C7: variants seen among roughly 807,000 people sequenced by gnomAD.
The protein encoded by C7 is complement C7, also known as complement component C7.
Under a neutral mutation model 104.8 loss-of-function variants are expected in C7, and 83 were observed. The ratio of observed to expected loss-of-function variants is 0.79; its 90% CI spans 0.66 to 0.95. C7 has a LOEUF of 0.95. Among genes scored for constraint, C7 ranks in the 40% least tolerant of loss-of-function variants. The pLI is 0.00. For missense variants in C7, 1,070 were observed against 1,011.2 expected, an observed-to-expected ratio of 1.06 and a Z score of -0.79; for synonymous variants, 415 against 360.6, an observed-to-expected ratio of 1.15 and a Z score of -1.71.
rs756057110 is a variant in C7 at position 40,979,647 on chromosome 5, A to T, written c.2166-78A>T. 7.3e-4 allele frequency: 888 copies of T among 1,222,024 alleles called. 1 individual carries two copies. Among genetic ancestry groups the T allele is most frequent in the Non-Finnish European group, 9.2e-4 (803 of 872,844 alleles). The allele number at this position is 1,222,024 out of a possible 1,614,324, so 75.7% of individuals were successfully genotyped here. A position where few individuals can be genotyped will look rare whatever the true frequency, so the allele number is the denominator to read the frequency against. ...TAACATCTGGGGGCACTAAGCTCAG[A>T]GCATCACTTTTCATTTCTCCTTCTC... On this transcript the variant is annotated intron_variant, in intron 16 of 17. Transcript: ENST00000313164.
intron 10 of C7, among the ~76,000 whole-genome samples, chr5:40,956,640 C>T (rs914585731): frequency 1.2e-4 from 18 of 152,224 alleles, no homozygotes; most frequent in African/African-American, 4.3e-4. Context: ...AGAACCGATT[C>T]TATGATTTAT....
chr5:40,966,186 T>G (rs1740547367), intron 14 of C7, among the ~76,000 whole-genome samples: 1 of 152,030 alleles, frequency 6.6e-6, no homozygotes, highest in South Asian at 2.1e-4. Context: ...TTAGTGGTGA[T>G]TGTGAGATTT....
rs1741010469 is a variant in C7, at chr5:40,984,061, A to C, written c.*2488A>C. Among the ~76,000 whole-genome samples, 1 of 152,212 alleles carries C rather than the reference A, an allele frequency of 6.6e-6. No homozygotes were observed. The highest frequency in any genetic ancestry group is 2.4e-5 in the African/African-American group (1 of 41,460). ...ATCGCTTACCACTCATGAGGACGCT[A>C]CAAGTTACCTGGGCAGAGAAGGTGC... On this transcript the variant is annotated 3_prime_UTR_variant, in exon 18 of 18. Transcript: ENST00000313164.
intron 13 of C7, among the ~76,000 whole-genome samples, chr5:40,963,637 G>A (rs568316675): frequency 6.6e-6 from 1 of 152,194 alleles, no homozygotes; most frequent in Admixed American, 6.5e-5. Context: ...CCCTCTCCCA[G>A]GCTTGAGTTT....
intron 7 of C7, among the ~76,000 whole-genome samples, chr5:40,945,640 C>T (rs1184081628): frequency 1.3e-5 from 2 of 151,870 alleles, no homozygotes; most frequent in Non-Finnish European, 2.9e-5. Context: ...GAGTGGATTG[C>T]TTGAGCTTGA....
rs1287063903 is a variant in C7, at chr5:40,964,808, T to C, written c.1817T>C (p.Ile606Thr). 1.9e-6 allele frequency: 3 copies of C among 1,613,782 alleles called. No individual in the cohort carries two copies. The highest frequency in any genetic ancestry group is 1.1e-5 in the South Asian group (1 of 91,078). ...ACTTGCAATGAAGGATACTCTCTTATTGGAAACCCAGTGGCCAGATGTGGA... is the reference window on the plus strand; with the variant it reads ...ACTTGCAATGAAGGATACTCTCTTACTGGAAACCCAGTGGCCAGATGTGGA... ...VYTCNEGYSL[I>T]GNPVARCGED... Residue 606 changes from isoleucine (I) to threonine (T), a missense_variant, in exon 14 of 18, where the codon ATT becomes ACT. By Grantham distance (89) the Ile-to-Thr change is moderately conservative (BLOSUM62 -1). Transcript: ENST00000313164.
intron 13 of C7, 105 bp from the exon 14 acceptor site, chr5:40,964,636 G>A (rs549929038): frequency 1.0e-6 from 1 of 968,564 alleles, no homozygotes; most frequent in African/African-American, 1.6e-5. Flanking sequence ...ATTAAATGTA[G>A]CTTGCCTGAT....
rs1348894604 is a variant in C7, at chr5:40,976,737, T to C, written c.2075-13T>C. On this transcript the variant is annotated splice_polypyrimidine_tract_variant and intron_variant, in intron 15 of 17. Coordinates refer to ENST00000313164, the MANE Select transcript of C7 (RefSeq NM_000587.4). ...TTTCTCCTAACGACCACATCTCCCT[T>C]ATCCTTTTTTAGAAAATCCGTTAAC... 1.9e-6 allele frequency: 3 copies of C among 1,574,068 alleles called. No homozygotes were observed. The highest frequency in any genetic ancestry group is 1.7e-6 in the Non-Finnish European group (2 of 1,156,938).
At chr5:40,934,287 C>G in intron 3 of C7, 38 bp from the exon 4 acceptor site, 1 of 1,485,676 alleles carries the variant, frequency 6.7e-7, no homozygotes, top group Non-Finnish European at 9.0e-7. Context: ...TGAAAACAAA[C>G]AAATAAACAA....
At chr5:40,929,059 A>G (rs1430201979) in intron 2 of C7, among the ~76,000 whole-genome samples, 1 of 152,182 alleles carries the variant, frequency 6.6e-6, no homozygotes, top group Non-Finnish European at 1.5e-5. Context: ...AAAAGCCAGC[A>G]TCATTTATCC....
chr5:40,910,396 T>C (rs939706756), intron 1 of C7, among the ~76,000 whole-genome samples: 3 of 152,150 alleles, frequency 2.0e-5, no homozygotes, highest in Admixed American at 2.0e-4. Context: ...CACAGATCTG[T>C]CAGTGGCTAG....
chr5:40,938,261 C>T (rs1301862808), intron 6 of C7, among the ~76,000 whole-genome samples: 1 of 152,078 alleles, frequency 6.6e-6, no homozygotes, highest in South Asian at 2.1e-4. Context: ...TATTAATTAT[C>T]CTTGTTTTTT....
At chr5:40,935,601 G>A (rs1021894392) in intron 4 of C7, among the ~76,000 whole-genome samples, 2 of 152,174 alleles carry the variant, frequency 1.3e-5, no homozygotes, top group Admixed American at 1.3e-4. Context: ...CTAACCAAGC[G>A]CAAGATCATT....
chr5:40,934,285 A>G (rs538360648), intron 3 of C7, 40 bp from the exon 4 acceptor site: 2 of 1,476,008 alleles, frequency 1.4e-6, no homozygotes, highest in South Asian at 1.5e-5. Flanking sequence ...TTTGAAAACA[A>G]ACAAATAAAC....
At chr5:40,938,952 A>G (rs562762236) in intron 6 of C7, among the ~76,000 whole-genome samples, 11 of 152,206 alleles carry the variant, frequency 7.2e-5, no homozygotes, top group Admixed American at 3.9e-4. Context: ...CCTCAACACA[A>G]CGAAATTTCT....
intron 4 of C7, among the ~76,000 whole-genome samples, chr5:40,935,490 C>A (rs1381851875): frequency 6.6e-6 from 1 of 152,128 alleles, no homozygotes; most frequent in East Asian, 1.9e-4. Context: ...TGCATCAGAG[C>A]CTGTGAGGCA....
chr5:40,957,696 C>T lies in C7; in HGVS notation c.1261-337C>T, dbSNP rs943670937. Among the ~76,000 whole-genome samples the T allele has an allele frequency of 9.2e-5, 14 of 151,990 alleles. No individual in the cohort carries two copies. In the East Asian group the frequency reaches 2.5e-3, roughly 27 times the overall value. The stretch of plus-strand genomic sequence containing the variant: ...TCTTGAACTCCTGACCTCAGGTGAT[C>T]CCCCCTGCCGCAGCCTCTCAAAGTG... On this transcript the variant is annotated intron_variant, in intron 10 of 17. Transcript: ENST00000313164.
rs377158514 is a variant in C7 at position 40,937,698 on chromosome 5, C to T, written c.567+8C>T. The T allele has an allele frequency of 2.6e-5, 41 of 1,552,652 alleles. No homozygotes were observed. Among genetic ancestry groups the T allele is most frequent in the African/African-American group, 5.5e-5 (4 of 73,180 alleles). ...CTGTCCTATACATTCCAGGTACTTA[C>T]GACGTTATTGATTTCCAATCTGGAA... On this transcript the variant is annotated splice_region_variant and intron_variant, in intron 6 of 17. Transcript: ENST00000313164.
In C7 at chr5:40,917,933, T is replaced by G. The variant is rs185748678; in HGVS notation, c.6+8317T>G. Among the ~76,000 whole-genome samples the G allele has an allele frequency of 3.3e-4, 50 of 152,224 alleles. 1 individual carries two copies. Among genetic ancestry groups the G allele is most frequent in the African/African-American group, 8.2e-4 (34 of 41,558 alleles). Reference sequence around the variant, plus strand: ...ATTCTGACATCAAAAAAATATAAACTGTTTGACGGGAGAGTAAAAATGTAG... The same window carrying G: ...ATTCTGACATCAAAAAAATATAAACGGTTTGACGGGAGAGTAAAAATGTAG... On this transcript the variant is annotated intron_variant, in intron 1 of 17. Transcript: ENST00000313164.
Sources: gnomAD v4.1 joint callset for allele counts (sites outside exome capture counted in the v4.1 genomes callset) on GRCh38, gnomAD v4.1.1 for gene constraint, MANE v1.5 for transcripts, NCBI Gene and HGNC (gene_info 2026-07-23, HGNC 2026-07-21) for gene names.